IL1RAPL1: variants seen among roughly 807,000 people sequenced by gnomAD.
IL1RAPL1 encodes the protein interleukin-1 receptor accessory protein-like 1.
Under a neutral mutation model 48.4 loss-of-function variants are expected in IL1RAPL1, and 3 were observed. The observed-to-expected ratio is 0.06, with a 90% CI of 0.03 to 0.16. The LOEUF (loss-of-function observed/expected upper bound fraction) is 0.16. Among genes scored for constraint, IL1RAPL1 ranks in the 10% least tolerant of loss-of-function variants. The pLI, the probability that IL1RAPL1 is intolerant of heterozygous loss-of-function variation, is 1.00. For synonymous variants in IL1RAPL1, 185 were observed against 187.7 expected (o/e 0.99, Z 0.12); for missense variants, 349 against 530.6 (o/e 0.66, Z 3.36).
In IL1RAPL1 at chrX:29,031,600, A is replaced by G. The variant is rs185351637; in HGVS notation, c.82+242175A>G. 3.3e-3 allele frequency among the ~76,000 whole-genome samples: 369 copies of G among 112,192 alleles called. 2 individuals are homozygous for G. Among genetic ancestry groups the G allele is most frequent in the African/African-American group, 0.011 (353 of 30,936 alleles). ...TCCTTTAAGTTTGCATCAAAAGTAC[A>G]GAGCTCTTTCTTGTTATTCTTAACA... On this transcript the variant is annotated intron_variant, in intron 2 of 10. Coordinates refer to ENST00000378993, the MANE Select transcript of IL1RAPL1 (RefSeq NM_014271.4).
chrX:29,668,774 A>G (rs1926068480), intron 6 of IL1RAPL1, among the ~76,000 whole-genome samples: 1 of 111,791 alleles, frequency 8.9e-6, no homozygotes, highest in Non-Finnish European at 1.9e-5. Context: ...ATGGTATTAC[A>G]GCACTGTCTT....
Position 29,258,628 on chromosome X carries a change from G to A in IL1RAPL1, c.83-24310G>A, listed in dbSNP as rs530908961. Among the ~76,000 whole-genome samples the A allele has an allele frequency of 6.4e-5, 7 of 109,467 alleles. No individual in the cohort carries two copies. The South Asian group carries it at 1.6e-3, about 25-fold the overall frequency. ...TTTTTTTTAGAAATTAAGTTGCTCC[G>A]AAATGTATGCACCCTGTTTCCAATC... is the stretch of plus-strand genomic sequence containing the variant. On this transcript the variant is annotated intron_variant, in intron 2 of 10. Transcript: ENST00000378993.
chrX:28,714,234 A>T (rs906336476), intron 1 of IL1RAPL1, among the ~76,000 whole-genome samples: 5 of 111,607 alleles, frequency 4.5e-5, no homozygotes, highest in Admixed American at 2.9e-4. Flanking sequence ...TTTCCAACTT[A>T]CACCTTGCAT....
chrX:29,754,219 A>G (rs1928558311), intron 6 of IL1RAPL1, among the ~76,000 whole-genome samples: 1 of 111,812 alleles, frequency 8.9e-6, no homozygotes, highest in African/African-American at 3.2e-5. Flanking sequence ...GAAATCTCCC[A>G]CTGATAACTC....
chrX:28,677,426 C>A (rs1271682198), intron 1 of IL1RAPL1, among the ~76,000 whole-genome samples: 1 of 111,842 alleles, frequency 8.9e-6, no homozygotes, highest in Non-Finnish European at 1.9e-5. Flanking sequence ...TGTGTAGCAG[C>A]ATATTGAATT....
intron 3 of IL1RAPL1, among the ~76,000 whole-genome samples, chrX:29,335,832 A>G (rs186644313): frequency 1.5e-4 from 17 of 111,491 alleles, no homozygotes; most frequent in African/African-American, 5.5e-4. Context: ...TAAATGATAG[A>G]TGTTGAATTT....
chrX:28,653,091 A>G (rs1294279436), intron 1 of IL1RAPL1, among the ~76,000 whole-genome samples: 1 of 112,118 alleles, frequency 8.9e-6, no homozygotes, highest in Non-Finnish European at 1.9e-5. Context: ...AGCTCAACTC[A>G]AGGAAGCTTG....
intron 2 of IL1RAPL1, among the ~76,000 whole-genome samples, chrX:29,195,242 A>G (rs1280957105): frequency 1.8e-5 from 2 of 111,761 alleles, no homozygotes; most frequent in Admixed American, 1.9e-4. Flanking sequence ...CTAGGTTCTG[A>G]CGTCAGTCCT....
chrX:28,634,945 T>G (rs2146895397), intron 1 of IL1RAPL1, among the ~76,000 whole-genome samples: 1 of 105,859 alleles, frequency 9.4e-6, no homozygotes, highest in Non-Finnish European at 1.9e-5. Context: ...TCTGTATGTC[T>G]TGTTAGAAGA....
chrX:28,671,973 A>G (rs1934950265), intron 1 of IL1RAPL1, among the ~76,000 whole-genome samples: 3 of 112,813 alleles, frequency 2.7e-5, no homozygotes, highest in Non-Finnish European at 5.6e-5. Context: ...AAGAAAAATT[A>G]TAACCCTTTT....
intron 6 of IL1RAPL1, among the ~76,000 whole-genome samples, chrX:29,899,237 G>C (rs1932450726): frequency 9.0e-6 from 1 of 110,970 alleles, no homozygotes; most frequent in Non-Finnish European, 1.9e-5. Flanking sequence ...ACTCCAAAAA[G>C]AAAGAAAGAA....
At chrX:29,485,419 A>C (rs978450764) in intron 5 of IL1RAPL1, among the ~76,000 whole-genome samples, 5 of 111,579 alleles carry the variant, frequency 4.5e-5, no homozygotes, top group African/African-American at 1.3e-4. Flanking sequence ...GGATTTTACA[A>C]ACACTAATCC....
At chrX:28,866,812 A>G (rs1922087518) in intron 2 of IL1RAPL1, among the ~76,000 whole-genome samples, 1 of 112,187 alleles carries the variant, frequency 8.9e-6, no homozygotes, top group South Asian at 3.7e-4. Context: ...GTACCACTCT[A>G]GAGAGTTATA....
chrX:29,551,011 T>A (rs1358368996), intron 5 of IL1RAPL1, among the ~76,000 whole-genome samples: 1 of 112,199 alleles, frequency 8.9e-6, no homozygotes, highest in Non-Finnish European at 1.9e-5. Context: ...TTCTATTTTC[T>A]GTCTCTATGA....
intron 6 of IL1RAPL1, among the ~76,000 whole-genome samples, chrX:29,857,138 G>A (rs1389237753): frequency 9.0e-6 from 1 of 111,013 alleles, no homozygotes; most frequent in Admixed American, 9.6e-5. Flanking sequence ...GATAAGAAAA[G>A]CAATTAATTT....
intron 2 of IL1RAPL1, among the ~76,000 whole-genome samples, chrX:29,099,775 TC>T (rs1928293712): frequency 8.9e-6 from 1 of 112,214 alleles, no homozygotes; most frequent in Non-Finnish European, 1.9e-5. Context: ...ATAAATAATC[TC>T]CCTTCATTTT....
chrX:29,077,015 A>G (rs778373836), intron 2 of IL1RAPL1, among the ~76,000 whole-genome samples: 1 of 112,262 alleles, frequency 8.9e-6, no homozygotes, highest in South Asian at 3.7e-4. Flanking sequence ...GTAATAGTCC[A>G]AGTAATGTGG....
intron 2 of IL1RAPL1, among the ~76,000 whole-genome samples, chrX:29,221,951 A>G (rs773919361): frequency 9.8e-6 from 1 of 102,501 alleles, no homozygotes; most frequent in Admixed American, 1.1e-4. Flanking sequence ...CGGAGGTTGC[A>G]GTGAGCCAAG....
At chrX:28,595,448 C>A in intron 1 of IL1RAPL1, among the ~76,000 whole-genome samples, 1 of 111,949 alleles carries the variant, frequency 8.9e-6, no homozygotes, top group African/African-American at 3.3e-5. Flanking sequence ...CTTCTGACCC[C>A]GAAAAATAGC....
Sources: allele counts gnomAD v4.1 joint callset (sites outside exome capture counted in the v4.1 genomes callset), GRCh38; gene constraint gnomAD v4.1.1; transcripts MANE v1.5; gene names NCBI Gene and HGNC (gene_info 2026-07-23, HGNC 2026-07-21).